PDE1C: variants seen among roughly 807,000 people sequenced by gnomAD.
PDE1C encodes the protein phosphodiesterase 1C.
In PDE1C, 62 loss-of-function variants were observed where a neutral mutation model predicts 93.1. The observed-to-expected ratio is 0.67, with a 90% CI of 0.54 to 0.82. The LOEUF is 0.82. Ranked by LOEUF, PDE1C falls within the 40% of genes least tolerant of loss-of-function variation. The probability of loss-of-function intolerance (pLI) is 0.00; values close to 1 mark genes in which losing one functional copy is unlikely to be tolerated. For missense variants in PDE1C, 742 were observed against 884.6 expected, an observed-to-expected ratio of 0.84 and a Z score of 2.04; for synonymous variants, 325 against 310.1, an observed-to-expected ratio of 1.05 and a Z score of -0.50.
At chr7:31,848,707 C>T (rs908688788) in intron 8 of PDE1C, among the ~76,000 whole-genome samples, 2 of 152,116 alleles carry the variant, frequency 1.3e-5, no homozygotes, top group Admixed American at 1.3e-4. Flanking sequence ...ATTTTAAGAT[C>T]TTAAATTTAA....
chr7:32,128,981 G>T (rs1799763109), intron 3 of PDE1C, among the ~76,000 whole-genome samples: 1 of 116,768 alleles, frequency 8.6e-6, no homozygotes, highest in African/African-American at 3.2e-5. Flanking sequence ...AACAGAAAAT[G>T]AGAAACAACC....
chr7:31,695,736 C>T, the PDE1C span: 2 of 1,021,250 alleles, frequency 2.0e-6, no homozygotes, highest in South Asian at 1.7e-5. Flanking sequence ...TTTGTGCACT[C>T]CCCACCTCTG....
At position 31,823,061 on chromosome 7, in the gene PDE1C, G is replaced by A; in HGVS notation, c.1582+12C>T. 6.2e-7 allele frequency: 1 copy of A among 1,603,930 alleles called. No individual in the cohort carries two copies. The highest frequency in any genetic ancestry group is 1.1e-5 in the South Asian group (1 of 89,288). The stretch of plus-strand genomic sequence containing the variant: ...ATGCTGAATTGGTTTGGACAGGTCT[G>A]TGGCATGTTACCTTTGGGTACCTTG... On this transcript the variant is annotated intron_variant, in intron 14 of 17. Transcript: ENST00000396191.
rs1002386929 is a variant in PDE1C, at chr7:31,793,856, T to C, written c.1891+15175A>G. ...TGCCCTAAATAATAGAGCATATTAT[T>C]ATAATAGGATTATATTTTCACTACA... is the stretch of plus-strand genomic sequence containing the variant. On this transcript the variant is annotated intron_variant, in intron 16 of 17. Coordinates refer to ENST00000396191, the MANE Select transcript of PDE1C (RefSeq NM_001191057.4). Among the ~76,000 whole-genome samples the C allele has an allele frequency of 8.6e-5, 13 of 151,914 alleles. 1 individual carries two copies. Among genetic ancestry groups the C allele is most frequent in the Admixed American group, 8.6e-4 (13 of 15,200 alleles).
chr7:31,975,340 C>T (rs1322172691), intron 2 of PDE1C, among the ~76,000 whole-genome samples: 1 of 152,130 alleles, frequency 6.6e-6, no homozygotes, highest in Non-Finnish European at 1.5e-5. Context: ...TCTATAAATA[C>T]TTTTTCCTTA....
At chr7:31,867,384 C>T (rs1255529667) in intron 6 of PDE1C, among the ~76,000 whole-genome samples, 2 of 152,166 alleles carry the variant, frequency 1.3e-5, no homozygotes, top group Non-Finnish European at 2.9e-5. Flanking sequence ...AGTTCCACAC[C>T]TTCCAGTGCC....
chr7:31,733,816 C>A, the PDE1C span, among the ~76,000 whole-genome samples: 5 of 151,926 alleles, frequency 3.3e-5, no homozygotes, highest in Admixed American at 1.3e-4. Flanking sequence ...GCCAACAGGG[C>A]GAAACCCTGT....
At chr7:31,846,235 T>TC (rs1269403385) in intron 9 of PDE1C, among the ~76,000 whole-genome samples, 7 of 105,056 alleles carry the variant, frequency 6.7e-5, no homozygotes, top group Non-Finnish European at 1.3e-4. Flanking sequence ...TTTTTTTTCT[T>TC]TTTTTTTTTT....
intron 1 of PDE1C, among the ~76,000 whole-genome samples, chr7:32,341,529 C>G (rs528003302): frequency 6.6e-6 from 1 of 152,018 alleles, no homozygotes; most frequent in Admixed American, 6.5e-5. Context: ...GAAACAGGGG[C>G]AACCTGGAGA....
intron 15 of PDE1C, among the ~76,000 whole-genome samples, chr7:31,809,945 C>T (rs1436624016): frequency 2.0e-5 from 3 of 152,062 alleles, no homozygotes; most frequent in African/African-American, 7.2e-5. Flanking sequence ...GTCAATGGTG[C>T]CCACCATCGA....
intron 1 of PDE1C, among the ~76,000 whole-genome samples, chr7:32,362,319 T>A (rs1185979893): frequency 6.6e-6 from 1 of 152,038 alleles, no homozygotes; most frequent in Non-Finnish European, 1.5e-5. Flanking sequence ...TCAGGGGGTG[T>A]CCTAGGGACA....
At chr7:31,986,737 T>C (rs774957167) in intron 2 of PDE1C, among the ~76,000 whole-genome samples, 14 of 152,058 alleles carry the variant, frequency 9.2e-5, no homozygotes, top group Non-Finnish European at 1.9e-4. Context: ...CCAGGGTCGA[T>C]GGAAGGAGCA....
intron 3 of PDE1C, among the ~76,000 whole-genome samples, chr7:32,084,524 T>C (rs1004965707): frequency 2.0e-5 from 3 of 149,966 alleles, no homozygotes; most frequent in African/African-American, 7.4e-5. Flanking sequence ...TACAGAACTC[T>C]CCACCCCAAA....
At chr7:32,181,156 T>G (rs1253062097) in intron 2 of PDE1C, among the ~76,000 whole-genome samples, 4 of 152,106 alleles carry the variant, frequency 2.6e-5, no homozygotes, top group African/African-American at 9.7e-5. Context: ...AGCAAGTCCT[T>G]AAAGACATAC....
chr7:31,665,349 T>C, the PDE1C span, among the ~76,000 whole-genome samples: 1 of 152,198 alleles, frequency 6.6e-6, no homozygotes, highest in Non-Finnish European at 1.5e-5. Context: ...CTATTTTGTT[T>C]CTTTCATAGC....
At chr7:32,140,356 C>T (rs985083028) in intron 3 of PDE1C, among the ~76,000 whole-genome samples, 2 of 152,322 alleles carry the variant, frequency 1.3e-5, no homozygotes, top group East Asian at 1.9e-4. Flanking sequence ...CCTCTTAGAA[C>T]CGTATGTCAC....
chr7:31,652,849 C>A, the PDE1C span: 4 of 1,599,070 alleles, frequency 2.5e-6, no homozygotes, highest in East Asian at 6.7e-5. Flanking sequence ...GGTTTGTTAA[C>A]CTTCATACAA....
Position 32,277,974 on chromosome 7 carries a change from A to G in PDE1C, c.85+20677T>C, listed in dbSNP as rs114180303. Among the ~76,000 whole-genome samples, 638 of 152,296 alleles carry G rather than the reference A, an allele frequency of 4.2e-3. 6 individuals carry two copies. The highest frequency in any genetic ancestry group is 0.014 in the African/African-American group (583 of 41,552). On this transcript the variant is annotated intron_variant, in intron 1 of 18. Transcript: ENST00000396193. ...ATAGAAGGTGCCACTTCATTAGAGC[A>G]GGACACACCGGTGATGTCCTAATGG... is the stretch of plus-strand genomic sequence containing the variant.
intron 1 of PDE1C, among the ~76,000 whole-genome samples, chr7:32,284,353 CCT>C (rs1480526804): frequency 6.6e-6 from 1 of 152,168 alleles, no homozygotes; most frequent in African/African-American, 2.4e-5. Flanking sequence ...ACCTCCTAAG[CCT>C]CTGTTTCCTC....
Sources: allele counts gnomAD v4.1 joint callset (sites outside exome capture counted in the v4.1 genomes callset), GRCh38; gene constraint gnomAD v4.1.1; transcripts MANE v1.5; gene names NCBI Gene and HGNC (gene_info 2026-07-23, HGNC 2026-07-21).